The following DCC variants were observed in gnomAD, a reference collection of about 807,000 sequenced individuals.
DCC encodes netrin receptor DCC.
In DCC, 58 loss-of-function variants were observed where a neutral mutation model predicts 172.5. The observed-to-expected ratio is 0.34, with a 90% CI of 0.27 to 0.42. DCC has a LOEUF of 0.42. DCC is among the 10% of genes least tolerant of loss of function. DCC has a pLI of 1.00. For missense variants in DCC, 1,740 were observed against 1,791.0 expected, an observed-to-expected ratio of 0.97 and a Z score of 0.51; for synonymous variants, 709 against 644.5, an observed-to-expected ratio of 1.10 and a Z score of -1.52.
intron 5 of DCC, among the ~76,000 whole-genome samples, chr18:53,017,865 C>T (rs575932031): frequency 3.3e-5 from 5 of 152,216 alleles, no homozygotes; most frequent in African/African-American, 9.6e-5. Flanking sequence ...ATGTAGATTT[C>T]GCCTGAGTTT....
chr18:52,340,577 T>G lies in DCC; in HGVS notation c.-211T>G. The G allele has an allele frequency of 1.6e-6, 1 of 628,718 alleles. No homozygotes were observed. Among genetic ancestry groups the G allele is most frequent in the East Asian group, 2.7e-5 (1 of 36,456 alleles). The allele number at this position is 628,718 out of a possible 1,614,324, so 38.9% of individuals were successfully genotyped here. ...GGAACTTTTTGCTGCCTGCTTTTGC[T>G]GCTGATTCTGTCAGTGGACAAGGAA... On this transcript the variant is annotated 5_prime_UTR_variant, in exon 1 of 29. Transcript: ENST00000442544.
At chr18:52,465,682 G>T (rs1442748330) in intron 1 of DCC, among the ~76,000 whole-genome samples, 1 of 152,106 alleles carries the variant, frequency 6.6e-6, no homozygotes. Context: ...CCTTTAAAAA[G>T]CCAGCTCCAT....
intron 5 of DCC, among the ~76,000 whole-genome samples, chr18:52,970,243 T>C (rs1202150228): frequency 2.0e-5 from 3 of 152,112 alleles, no homozygotes; most frequent in Non-Finnish European, 2.9e-5. Context: ...TCACTATTTT[T>C]CTAACATTTA....
chr18:53,342,613 C>G (rs894719980), intron 15 of DCC, among the ~76,000 whole-genome samples: 5 of 150,082 alleles, frequency 3.3e-5, no homozygotes, highest in African/African-American at 1.2e-4. Context: ...TATAATTTCT[C>G]TAATTTATCT....
chr18:52,427,185 G>C (rs1184622866), intron 1 of DCC, among the ~76,000 whole-genome samples: 5 of 152,072 alleles, frequency 3.3e-5, no homozygotes, highest in African/African-American at 1.2e-4. Flanking sequence ...TCATTGTCAT[G>C]AAGATAAAAC....
At chr18:53,458,270 C>T (rs1246800184) in intron 23 of DCC, among the ~76,000 whole-genome samples, 4 of 152,114 alleles carry the variant, frequency 2.6e-5, no homozygotes, top group African/African-American at 9.7e-5. Context: ...AAAATGATTT[C>T]TGAAAAGGAC....
intron 15 of DCC, among the ~76,000 whole-genome samples, chr18:53,382,332 A>G (rs1038630815): frequency 6.6e-6 from 1 of 152,096 alleles, no homozygotes; most frequent in Non-Finnish European, 1.5e-5. Flanking sequence ...AATAACTCAA[A>G]AGAATATATT....
intron 15 of DCC, among the ~76,000 whole-genome samples, chr18:53,340,338 AC>A (rs1319897369): frequency 6.6e-6 from 1 of 152,146 alleles, no homozygotes; most frequent in African/African-American, 2.4e-5. Context: ...TTTTTCTTTA[AC>A]CTTGAAATAT....
intron 1 of DCC, among the ~76,000 whole-genome samples, chr18:52,489,915 G>A (rs2030419439): frequency 6.6e-6 from 1 of 152,052 alleles, no homozygotes; most frequent in Admixed American, 6.6e-5. Context: ...ATATGAAGTG[G>A]AATGTTCCTC....
At chr18:53,311,893 A>G (rs894039971) in intron 13 of DCC, among the ~76,000 whole-genome samples, 3 of 152,186 alleles carry the variant, frequency 2.0e-5, no homozygotes, top group African/African-American at 7.2e-5. Flanking sequence ...CTTACCTCTT[A>G]AACTGTAAAT....
chr18:52,964,207 C>CT (rs1290395648), intron 5 of DCC, among the ~76,000 whole-genome samples: 1 of 152,090 alleles, frequency 6.6e-6, no homozygotes, highest in Non-Finnish European at 1.5e-5. Flanking sequence ...CAAAAACTGT[C>CT]TTTTAATCTG....
chr18:53,121,083 G>A (rs1377786000), intron 7 of DCC, among the ~76,000 whole-genome samples: 1 of 151,814 alleles, frequency 6.6e-6, no homozygotes, highest in Admixed American at 6.6e-5. Flanking sequence ...GTGAAATCTG[G>A]TGAGAAAGTT....
chr18:53,140,874 T>G (rs1370577325), intron 7 of DCC, among the ~76,000 whole-genome samples: 3 of 152,162 alleles, frequency 2.0e-5, no homozygotes, highest in Non-Finnish European at 4.4e-5. Context: ...ATTCAATAAA[T>G]TGTAGTATCC....
chr18:53,104,504 G>A (rs2043217221), intron 7 of DCC, among the ~76,000 whole-genome samples: 1 of 152,000 alleles, frequency 6.6e-6, no homozygotes, highest in Admixed American at 6.6e-5. Context: ...CCAGCCATGT[G>A]GAACTGTAAG....
At chr18:52,652,741 G>GTGTGTGTGTGTGTGTGTGTGTGTGT (rs1555709976) in intron 1 of DCC, among the ~76,000 whole-genome samples, 17 of 43,138 alleles carry the variant, frequency 3.9e-4, no homozygotes, top group African/African-American at 8.9e-4. Flanking sequence ...TGTGTGTGTG[G>GTGTGTGTGTGTGTGTGTGTGTGTGT]GTGGAGGAGG....
intron 1 of DCC, among the ~76,000 whole-genome samples, chr18:52,447,576 C>A (rs956187032): frequency 6.6e-6 from 1 of 152,028 alleles, no homozygotes; most frequent in East Asian, 1.9e-4. Flanking sequence ...AGTCTGTTCT[C>A]GAACTGCTAT....
chr18:52,454,005 C>A (rs1242255080), intron 1 of DCC, among the ~76,000 whole-genome samples: 1 of 152,170 alleles, frequency 6.6e-6, no homozygotes, highest in Non-Finnish European at 1.5e-5. Flanking sequence ...ATCATCCATG[C>A]TCAAGTCCTT....
intron 2 of DCC, among the ~76,000 whole-genome samples, chr18:52,894,255 C>T (rs114316706): frequency 1.2e-3 from 180 of 152,102 alleles, no homozygotes; most frequent in African/African-American, 4.0e-3. Context: ...ATTTGCCTTT[C>T]CTACTAGACT....
intron 2 of DCC, among the ~76,000 whole-genome samples, chr18:52,790,410 T>G (rs2037739312): frequency 6.6e-6 from 1 of 152,156 alleles, no homozygotes; most frequent in African/African-American, 2.4e-5. Flanking sequence ...CCTTGTTACC[T>G]CTTTTACCAG....
Sources: allele counts gnomAD v4.1 joint callset (sites outside exome capture counted in the v4.1 genomes callset), GRCh38; gene constraint gnomAD v4.1.1; transcripts MANE v1.5; gene names NCBI Gene and HGNC (gene_info 2026-07-23, HGNC 2026-07-21).